ZNF462: variants seen among roughly 807,000 people sequenced by gnomAD.
The protein encoded by ZNF462 is zinc finger PBX1-interacting protein.
Under a neutral mutation model 201.9 loss-of-function variants are expected in ZNF462, and 10 were observed. That is an observed-to-expected ratio of 0.05 (90% CI 0.03 to 0.08). The LOEUF is 0.08. Among genes scored for constraint, ZNF462 ranks in the 10% least tolerant of loss-of-function variants. The probability of loss-of-function intolerance (pLI) is 1.00; values close to 1 mark genes in which losing one functional copy is unlikely to be tolerated. For missense variants in ZNF462, 2,523 were observed against 3,168.3 expected (o/e 0.80, Z 4.89); for synonymous variants, 1,227 against 1,193.3 (o/e 1.03, Z -0.58).
At chr9:106,943,057 C>CGTGTGTGTGTGT (rs577655863) in intron 7 of ZNF462, among the ~76,000 whole-genome samples, 4,115 of 136,652 alleles carry the variant, frequency 0.03, 66 homozygotes, top group East Asian at 0.041. Flanking sequence ...GTTTTGCGCG[C>CGTGTGTGTGTGT]GCGTGTGTGT....
rs1378938763 is a variant in ZNF462 at position 107,006,868 on chromosome 9, CTTATAAAGTTA to C, written c.7190-2672_7190-2662del. On this transcript the variant is annotated intron_variant, in intron 11 of 12. Coordinates refer to ENST00000277225, the MANE Select transcript of ZNF462 (RefSeq NM_021224.6). This position sits in a 1 kb window ranked among gnomAD's most constrained non-coding sequence, Gnocchi z 4.3. ...ATCCTTACCATATAGGTTGATTGTTCTTATAAAGTTATTATTTTTATTAGTAGAGGCTGTAT... is the reference window on the plus strand; with the variant it reads ...ATCCTTACCATATAGGTTGATTGTTCTTATTTTTATTAGTAGAGGCTGTAT... Among the ~76,000 whole-genome samples, 2 of 152,100 alleles carry C rather than the reference CTTATAAAGTTA, an allele frequency of 1.3e-5. No homozygotes were observed. Among genetic ancestry groups the C allele is most frequent in the Admixed American group, 1.3e-4 (2 of 15,270 alleles).
intron 7 of ZNF462, among the ~76,000 whole-genome samples, chr9:106,960,160 C>T (rs530908187): frequency 6.6e-6 from 1 of 152,052 alleles, no homozygotes; most frequent in Non-Finnish European, 1.5e-5. Flanking sequence ...ACCTGATTTC[C>T]GTGTAGCATC....
At position 106,928,893 on chromosome 9, in the gene ZNF462, C is replaced by T. The variant is rs775693844; in HGVS notation, c.4981C>T (p.Arg1661Trp). The T allele has an allele frequency of 5.6e-6, 9 of 1,614,048 alleles. No individual in the cohort carries two copies. The highest frequency in any genetic ancestry group is 2.2e-5 in the South Asian group (2 of 91,072). ...CCACCTGGTCTCCCACACTGTGTTC[C>T]GGTGCCAGCTCTGCAAGTACTTCTG... is the stretch of plus-strand genomic sequence containing the variant. ...TSHLVSHTVFRCQLCKYFCST... is the reference protein window; with the variant it reads ...TSHLVSHTVFWCQLCKYFCST... Residue 1661 changes from arginine (R) to tryptophan (W), a missense_variant, in exon 3 of 13, where the codon CGG (arginine) becomes TGG (tryptophan). Physicochemically the swap from Arg to Trp is moderately radical, Grantham distance 101. This residue lies in a region of ZNF462 where 200 missense variants were observed against 281.3 expected (regional missense o/e 0.71). Coordinates refer to ENST00000277225, the MANE Select transcript of ZNF462 (RefSeq NM_021224.6). This position sits in a 1 kb window ranked among gnomAD's most constrained non-coding sequence, Gnocchi z 9.3.
At chr9:106,868,968 G>C (rs1050604219) in intron 1 of ZNF462, among the ~76,000 whole-genome samples, 2 of 152,124 alleles carry the variant, frequency 1.3e-5, no homozygotes, top group Admixed American at 1.3e-4. Context: ...TTGTTCATGT[G>C]ACATTCAGTA....
intron 1 of ZNF462, among the ~76,000 whole-genome samples, chr9:106,901,727 G>C (rs745977491): frequency 6.6e-6 from 1 of 152,110 alleles, no homozygotes; most frequent in Non-Finnish European, 1.5e-5. Context: ...CTTGGCTGCT[G>C]TTGGTGTCCA....
intron 1 of ZNF462, among the ~76,000 whole-genome samples, chr9:106,891,330 G>C (rs763664374): frequency 6.6e-6 from 1 of 151,948 alleles, no homozygotes; most frequent in Non-Finnish European, 1.5e-5. Context: ...TCATGTCTGC[G>C]TTTTCTTTGT....
chr9:106,919,943 T>C lies in ZNF462; in HGVS notation c.-30-3411T>C, dbSNP rs1829922467. On this transcript the variant is annotated intron_variant, in intron 1 of 12. Transcript: ENST00000277225. This position sits in a 1 kb window ranked among gnomAD's most constrained non-coding sequence, Gnocchi z 4.5. ...TAGTTAGTTCAGAAACTTCCTCTTT[T>C]ACTTTTGATTTTGCTGATTTTGGTG... Among the ~76,000 whole-genome samples the C allele has an allele frequency of 6.6e-6, 1 of 152,220 alleles. No individual in the cohort carries two copies. The highest frequency in any genetic ancestry group is 2.4e-5 in the African/African-American group (1 of 41,452).
intron 1 of ZNF462, among the ~76,000 whole-genome samples, chr9:106,889,754 T>C (rs912955639): frequency 4.6e-5 from 7 of 152,182 alleles, no homozygotes; most frequent in Non-Finnish European, 1.0e-4. Flanking sequence ...GCTCATAATC[T>C]AGTATTTACA....
chr9:106,916,577 G>A (rs1054767715), intron 1 of ZNF462, among the ~76,000 whole-genome samples: 9 of 152,166 alleles, frequency 5.9e-5, no homozygotes, highest in Non-Finnish European at 1.3e-4. Context: ...TCTGGGGGGG[G>A]AGAAATCAGT....
rs569405324 is a variant in ZNF462 at position 106,939,287 on chromosome 9, T to C, written c.6427+180T>C. ...GGAGTGGGAAGGGGAAATGAACTTGTTGAGCATCTGTGTGACGCCATGATG... is the reference window on the plus strand; with the variant it reads ...GGAGTGGGAAGGGGAAATGAACTTGCTGAGCATCTGTGTGACGCCATGATG... On this transcript the variant is annotated intron_variant, in intron 7 of 12. Coordinates refer to ENST00000277225, the MANE Select transcript of ZNF462 (RefSeq NM_021224.6). Among the ~76,000 whole-genome samples, 5 of 152,288 alleles carry C rather than the reference T, an allele frequency of 3.3e-5. No homozygotes were observed. In the South Asian group the frequency reaches 1.0e-3, roughly 32 times the overall value.
intron 10 of ZNF462, among the ~76,000 whole-genome samples, chr9:106,994,153 C>A (rs1043970835): frequency 9.9e-5 from 15 of 152,080 alleles, no homozygotes; most frequent in Non-Finnish European, 1.9e-4. Flanking sequence ...TCTATTCAGG[C>A]AATACACATT....
chr9:106,896,163 A>G lies in ZNF462; in HGVS notation c.-30-27191A>G, dbSNP rs78520890. On this transcript the variant is annotated intron_variant, in intron 1 of 12. Coordinates refer to ENST00000277225, the MANE Select transcript of ZNF462 (RefSeq NM_021224.6). ...CATCCCAACTATATTTTTAACTTCC[A>G]TGAGAAAGAACATGCCTTATACCAG... Among the ~76,000 whole-genome samples the G allele has an allele frequency of 6.5e-3, 985 of 152,156 alleles. 12 individuals are homozygous for G. Among genetic ancestry groups the G allele is most frequent in the African/African-American group, 0.023 (939 of 41,512 alleles).
Position 107,010,674 on chromosome 9 carries a change from A to G in ZNF462, c.7314-149A>G. On this transcript the variant is annotated intron_variant, in intron 12 of 12. Coordinates refer to ENST00000277225, the MANE Select transcript of ZNF462 (RefSeq NM_021224.6). This position sits in a 1 kb window ranked among gnomAD's most constrained non-coding sequence, Gnocchi z 4.6. Reference sequence around the variant, plus strand: ...GGGATGCATCACTTGGTATTTTGTCATACACCCATGGCATTTGTTCAAAGG... The same window carrying G: ...GGGATGCATCACTTGGTATTTTGTCGTACACCCATGGCATTTGTTCAAAGG... 1.5e-6 allele frequency: 1 copy of G among 684,222 alleles called. No individual in the cohort carries two copies. The highest frequency in any genetic ancestry group is 2.4e-6 in the Non-Finnish European group (1 of 422,940). 42.4% of individuals were successfully genotyped at this position (684,222 alleles called of 1,614,324 possible). A position where few individuals can be genotyped will look rare whatever the true frequency, so the allele number is the denominator to read the frequency against.
At chr9:106,871,543 G>A (rs973520364) in intron 1 of ZNF462, among the ~76,000 whole-genome samples, 4 of 152,178 alleles carry the variant, frequency 2.6e-5, no homozygotes, top group East Asian at 1.9e-4. Context: ...TTAAGAAAGC[G>A]ATTATAGCAA....
chr9:106,893,386 T>C (rs565735176), intron 1 of ZNF462, among the ~76,000 whole-genome samples: 1 of 152,364 alleles, frequency 6.6e-6, no homozygotes, highest in South Asian at 2.1e-4. Context: ...TGTATCATCA[T>C]GGAAGGAAAT....
In ZNF462 at chr9:106,954,039, G is replaced by A. The variant is rs943466380; in HGVS notation, c.6427+14932G>A. ...ATTAATTACCATGTTTATCCCACCT[G>A]CAAAGTCCTCCATTCATTCTATTCT... On this transcript the variant is annotated intron_variant, in intron 7 of 12. Transcript: ENST00000277225. This position sits in a 1 kb window ranked among gnomAD's most constrained non-coding sequence, Gnocchi z 4.0. Among the ~76,000 whole-genome samples the A allele has an allele frequency of 1.3e-5, 2 of 152,036 alleles. No homozygotes were observed. The highest frequency in any genetic ancestry group is 4.8e-5 in the African/African-American group (2 of 41,390).
chr9:106,868,844 A>G (rs1827460675), intron 1 of ZNF462, among the ~76,000 whole-genome samples: 1 of 152,166 alleles, frequency 6.6e-6, no homozygotes, highest in Non-Finnish European at 1.5e-5. Flanking sequence ...GCTTTCTGAG[A>G]AACTCTGTAC....
intron 10 of ZNF462, among the ~76,000 whole-genome samples, chr9:106,991,005 C>T (rs1481250116): frequency 2.0e-5 from 3 of 151,920 alleles, no homozygotes; most frequent in Non-Finnish European, 4.4e-5. Flanking sequence ...ATAGGGGTAT[C>T]AGTGTACAAT....
intron 10 of ZNF462, among the ~76,000 whole-genome samples, chr9:107,002,380 A>G (rs541155678): frequency 1.1e-4 from 17 of 152,260 alleles, no homozygotes; most frequent in African/African-American, 4.1e-4. Context: ...GCCCATGGCA[A>G]TTTTTTGACT....
Sources: allele counts gnomAD v4.1 joint callset (sites outside exome capture counted in the v4.1 genomes callset), GRCh38; gene constraint gnomAD v4.1.1; regional missense constraint gnomAD v4.1.1; non-coding constraint Gnocchi (gnomAD v3.1); transcripts MANE v1.5; gene names NCBI Gene and HGNC (gene_info 2026-07-23, HGNC 2026-07-21).